Variants in LARGE1 observed in about 807,000 individuals in gnomAD.
The protein encoded by LARGE1 is LARGE xylosyl- and glucuronyltransferase 1.
Under a neutral mutation model 87.6 loss-of-function variants are expected in LARGE1, and 43 were observed. The ratio of observed to expected loss-of-function variants is 0.49; its 90% CI spans 0.38 to 0.63. The LOEUF (loss-of-function observed/expected upper bound fraction) is 0.63, where lower values mean the gene tolerates loss of function less well. LARGE1 is among the 30% of genes least tolerant of loss of function. The probability of loss-of-function intolerance (pLI) is 0.00; values close to 1 mark genes in which losing one functional copy is unlikely to be tolerated. For missense variants in LARGE1, 802 were observed against 1,000.2 expected (o/e 0.80, Z 2.67); for synonymous variants, 434 against 394.6 (o/e 1.10, Z -1.18).
chr22:33,570,715 G>C (rs907606357), intron 5 of LARGE1, among the ~76,000 whole-genome samples: 1 of 150,044 alleles, frequency 6.7e-6, no homozygotes, highest in East Asian at 2.0e-4. Flanking sequence ...CCCTCTGGTA[G>C]ATCTCCAAAA....
chr22:33,666,210 T>C (rs1055241348), intron 2 of LARGE1, among the ~76,000 whole-genome samples: 1 of 152,106 alleles, frequency 6.6e-6, no homozygotes, highest in African/African-American at 2.4e-5. Context: ...AGAATCCAAA[T>C]CATACCATTT....
At chr22:33,607,403 G>C (rs1179011825) in intron 4 of LARGE1, among the ~76,000 whole-genome samples, 2 of 140,888 alleles carry the variant, frequency 1.4e-5, no homozygotes, top group Non-Finnish European at 3.0e-5. Flanking sequence ...AGAGGTTGCT[G>C]TGAGCCAAGA....
intron 6 of LARGE1, among the ~76,000 whole-genome samples, chr22:33,474,123 A>C (rs775553912): frequency 1.3e-5 from 2 of 152,114 alleles, no homozygotes; most frequent in Non-Finnish European, 1.5e-5. Flanking sequence ...CCTCAAACAT[A>C]TATTGTTGGC....
At chr22:33,070,216 T>C in the LARGE1 span, among the ~76,000 whole-genome samples, 1 of 152,242 alleles carries the variant, frequency 6.6e-6, no homozygotes, top group Non-Finnish European at 1.5e-5. Flanking sequence ...ATGTGTTTGG[T>C]TCACATTTGT....
At chr22:33,717,168 TTCAC>T (rs2082935596) in intron 2 of LARGE1, among the ~76,000 whole-genome samples, 1 of 152,172 alleles carries the variant, frequency 6.6e-6, no homozygotes, top group African/African-American at 2.4e-5. Flanking sequence ...CCTTCATTTA[TTCAC>T]TCATTCATCC....
chr22:33,684,593 A>C (rs2081889009), intron 2 of LARGE1, among the ~76,000 whole-genome samples: 2 of 152,168 alleles, frequency 1.3e-5, no homozygotes, highest in South Asian at 4.1e-4. Context: ...TGCGGAACTG[A>C]GGAAATTGAG....
Position 33,287,574 on chromosome 22 carries a change from G to C in LARGE1, c.1731-4226C>G, listed in dbSNP as rs557276698. ...CAAACTCTGAGCTCATCTGTTTATT[G>C]AGAAGGTAACAGCAGCCTGGGTCTT... On this transcript the variant is annotated intron_variant, in intron 12 of 14. Transcript: ENST00000397394. Among the ~76,000 whole-genome samples, 7 of 152,322 alleles carry C rather than the reference G, an allele frequency of 4.6e-5. No homozygotes were observed. In the South Asian group the frequency reaches 1.4e-3, roughly 32 times the overall value.
chr22:33,586,444 A>G (rs1317620946), intron 5 of LARGE1, among the ~76,000 whole-genome samples: 1 of 148,600 alleles, frequency 6.7e-6, no homozygotes, highest in Non-Finnish European at 1.5e-5. Context: ...AACAGGGAGA[A>G]CAACAAGATT....
At chr22:33,583,693 T>C (rs930423874) in intron 5 of LARGE1, among the ~76,000 whole-genome samples, 2 of 152,192 alleles carry the variant, frequency 1.3e-5, no homozygotes, top group Admixed American at 6.5e-5. Flanking sequence ...GAAAGTTCAA[T>C]TTTCCAAATA....
At chr22:33,305,652 A>C (rs867449660) in intron 11 of LARGE1, 1 of 956,376 alleles carries the variant, frequency 1.0e-6, no homozygotes, top group Non-Finnish European at 1.2e-6. Flanking sequence ...GGGCACACCT[A>C]TCTTGTTTCA....
At chr22:33,840,932 G>A (rs1289771956) in intron 1 of LARGE1, among the ~76,000 whole-genome samples, 8 of 152,140 alleles carry the variant, frequency 5.3e-5, no homozygotes, top group Non-Finnish European at 1.0e-4. Context: ...TGACTTTCCA[G>A]CTTTATGATG....
chr22:33,095,819 G>C, the LARGE1 span, among the ~76,000 whole-genome samples: 1 of 152,138 alleles, frequency 6.6e-6, no homozygotes, highest in Non-Finnish European at 1.5e-5. Flanking sequence ...CTTCCCAGTA[G>C]TGTGTCCTCT....
chr22:33,524,257 C>G (rs1037753994), intron 6 of LARGE1, among the ~76,000 whole-genome samples: 1 of 149,158 alleles, frequency 6.7e-6, no homozygotes, highest in African/African-American at 2.5e-5. Context: ...CGCCATTGCA[C>G]TCCAGCCTGG....
intron 12 of LARGE1, among the ~76,000 whole-genome samples, chr22:33,293,400 A>G (rs1307645687): frequency 2.6e-5 from 4 of 152,240 alleles, no homozygotes; most frequent in Admixed American, 6.5e-5. Context: ...GAGGTTAACA[A>G]GTAACTACCA....
intron 11 of LARGE1, among the ~76,000 whole-genome samples, chr22:33,249,359 A>G (rs1046566598): frequency 1.7e-4 from 26 of 152,176 alleles, no homozygotes; most frequent in African/African-American, 6.3e-4. Flanking sequence ...TGTCTGTTAA[A>G]GTCTTTGGCA....
the LARGE1 span, among the ~76,000 whole-genome samples, chr22:33,104,354 T>A: frequency 6.6e-6 from 1 of 152,168 alleles, no homozygotes; most frequent in Non-Finnish European, 1.5e-5. Context: ...CTGTTTCTGT[T>A]GGAGATGAAA....
intron 2 of LARGE1, among the ~76,000 whole-genome samples, chr22:33,693,685 A>G (rs973467019): frequency 3.3e-5 from 5 of 152,188 alleles, no homozygotes; most frequent in Admixed American, 1.3e-4. Flanking sequence ...TTGCCTGGGC[A>G]TGGTGGCGCA....
At chr22:33,713,977 A>AACG (rs1569397488) in intron 2 of LARGE1, among the ~76,000 whole-genome samples, 38 of 111,466 alleles carry the variant, frequency 3.4e-4, no homozygotes, top group South Asian at 8.4e-4. Flanking sequence ...ATAACGTAAC[A>AACG]TAACGTAACA....
chr22:33,716,531 G>C (rs2082912229), intron 2 of LARGE1, among the ~76,000 whole-genome samples: 1 of 152,072 alleles, frequency 6.6e-6, no homozygotes, highest in Non-Finnish European at 1.5e-5. Context: ...TGAGTAGCTG[G>C]GACCACAGGC....
Sources: gnomAD v4.1 joint callset for allele counts (sites outside exome capture counted in the v4.1 genomes callset) on GRCh38, gnomAD v4.1.1 for gene constraint, MANE v1.5 for transcripts, NCBI Gene and HGNC (gene_info 2026-07-23, HGNC 2026-07-21) for gene names.